The following PZP variants were observed in gnomAD, a reference collection of about 807,000 sequenced individuals.
The protein encoded by PZP is PZP alpha-2-macroglobulin like.
PZP carries 150 observed loss-of-function variants against 179.8 expected under a neutral mutation model. The ratio of observed to expected loss-of-function variants is 0.83; its 90% CI spans 0.73 to 0.96. The LOEUF (loss-of-function observed/expected upper bound fraction) is 0.96. Ranked by LOEUF, PZP falls within the 40% of genes least tolerant of loss-of-function variation. PZP has a pLI of 0.00. For missense variants in PZP, 1,689 were observed against 1,764.0 expected, an observed-to-expected ratio of 0.96 and a Z score of 0.76; for synonymous variants, 624 against 652.3, an observed-to-expected ratio of 0.96 and a Z score of 0.66.
rs1592473891 is a variant in PZP at position 9,165,903 on chromosome 12, A to G, written c.2258+149T>C. 43 of 864,960 alleles carry G rather than the reference A, an allele frequency of 5.0e-5. No individual in the cohort carries two copies. In the East Asian group the frequency reaches 1.1e-3, roughly 21 times the overall value. The allele number at this position is 864,960 out of a possible 1,614,324, so 53.6% of individuals were successfully genotyped here. ...GACAATTGTATTAATGAGCCTATGCAATTGCGCATTTTACTTAGGTCTATC... is the reference window on the plus strand; with the variant it reads ...GACAATTGTATTAATGAGCCTATGCGATTGCGCATTTTACTTAGGTCTATC... On this transcript the variant is annotated intron_variant, in intron 18 of 35. Transcript: ENST00000261336.
rs747344823 is a variant in PZP, at chr12:9,164,278, CAG to C, written c.2488-21_2488-20del. On this transcript the variant is annotated intron_variant, in intron 19 of 35. Transcript: ENST00000261336. ...CACTGACCTATCACCCCATGTGAGG[CAG>C]AGACAGAAATGATCAGAATATGGAA... 2.3e-5 allele frequency: 37 copies of C among 1,609,966 alleles called. No homozygotes were observed. Among genetic ancestry groups the C allele is most frequent in the Non-Finnish European group, 3.0e-5 (35 of 1,177,356 alleles).
In PZP at chr12:9,165,317, T is replaced by C; in HGVS notation, c.2309A>G (p.Glu770Gly). The C allele has an allele frequency of 1.2e-6, 2 of 1,614,118 alleles. No homozygotes were observed. Among genetic ancestry groups the C allele is most frequent in the Non-Finnish European group, 8.5e-7 (1 of 1,179,990 alleles). Residue 770 changes from glutamate (E) to glycine (G), a missense_variant, in exon 19 of 36, where the codon GAG becomes GGG. Physicochemically the swap from Glu to Gly is moderately conservative, Grantham distance 98. Coordinates refer to ENST00000261336, the MANE Select transcript of PZP (RefSeq NM_002864.3). ...VGVTVPDTIT[E>G]WKAGAFCLSE... is the part of the protein sequence containing the mutation. Reference sequence around the variant, plus strand: ...CAGGCAGAAGGCCCCTGCCTTCCACTCGGTGATGGTGTCAGGGACTGTTAC... The same window carrying C: ...CAGGCAGAAGGCCCCTGCCTTCCACCCGGTGATGGTGTCAGGGACTGTTAC...
chr12:9,162,429 G>A (rs991155433), intron 22 of PZP, 168 bp downstream of exon 22: 1 of 595,326 alleles, frequency 1.7e-6, no homozygotes, highest in Admixed American at 3.1e-5. Flanking sequence ...TGCTCTCTTG[G>A]GCTCAATGTC....
At chr12:9,140,400 A>G in the PZP span, among the ~76,000 whole-genome samples, 1 of 152,158 alleles carries the variant, frequency 6.6e-6, no homozygotes, top group South Asian at 2.1e-4. Flanking sequence ...ACTCGGCCCA[A>G]TTGGTTGAGA....
At chr12:9,204,985 TACTC>T (rs1409556783) in intron 1 of PZP, among the ~76,000 whole-genome samples, 2 of 151,854 alleles carry the variant, frequency 1.3e-5, no homozygotes, top group Non-Finnish European at 2.9e-5. Flanking sequence ...TAGTAGCAGT[TACTC>T]AGGAGGCTGA....
At chr12:9,179,448 C>G (rs1264729912) in intron 15 of PZP, among the ~76,000 whole-genome samples, 1 of 152,108 alleles carries the variant, frequency 6.6e-6, no homozygotes, top group African/African-American at 2.4e-5. Context: ...GTGTCACCCC[C>G]ATGAATTAAT....
chr12:9,187,174 G>A (rs1007184920), intron 13 of PZP, among the ~76,000 whole-genome samples: 6 of 151,076 alleles, frequency 4.0e-5, no homozygotes, highest in Non-Finnish European at 5.9e-5. Context: ...ACCCAACACA[G>A]GAGCACCCAG....
intron 16 of PZP, 42 bp from the exon 17 acceptor site, chr12:9,169,016 A>C: frequency 7.1e-7 from 1 of 1,399,880 alleles, no homozygotes; most frequent in Non-Finnish European, 1.0e-6. Context: ...AAGCTTGATT[A>C]GAATATATAA....
intron 10 of PZP, 28 bp downstream of exon 10, chr12:9,196,301 GC>G: frequency 6.7e-7 from 1 of 1,490,598 alleles, no homozygotes; most frequent in Non-Finnish European, 9.4e-7. Flanking sequence ...TGGATACTTT[GC>G]TTACCTGTGC....
rs1376763842 is a variant in PZP, at chr12:9,159,948, C to T, written c.3127G>A (p.Gly1043Ser). The T allele has an allele frequency of 1.2e-6, 2 of 1,612,112 alleles. No homozygotes were observed. The highest frequency in any genetic ancestry group is 3.3e-5 in the Admixed American group (2 of 60,002). Reference protein sequence around the residue: ...TFGERYGRNQGNTWLTAFVLK... With the variant: ...TFGERYGRNQSNTWLTAFVLK... ...GATTTTCTTTCTTACCAAGTGTTGC[C>T]CTGGTTCCTGCCATATCGTTCCCCA... The change falls in exon 25 of 36, where the codon GGC (glycine) becomes AGC (serine). Residue 1043 changes from glycine to serine, a missense_variant. Physicochemically the swap from Gly to Ser is moderately conservative, Grantham distance 56. Around this residue, in one of 3 missense-constraint regions of PZP, gnomAD observed 746 missense variants for 749.2 expected, o/e 1.00. Transcript: ENST00000261336.
At chr12:9,196,861 T>C in intron 8 of PZP, 151 bp downstream of exon 8, 2 of 772,422 alleles carry the variant, frequency 2.6e-6, no homozygotes, top group East Asian at 5.2e-5. Flanking sequence ...GTCGTCCAAA[T>C]GAGAATCTTG....
chr12:9,203,936 C>T lies in PZP; in HGVS notation c.99G>A (p.Leu33=). Residue 33 remains leucine, a synonymous_variant, in exon 2 of 36, where the codon CTG becomes CTA. Coordinates refer to ENST00000261336, the MANE Select transcript of PZP (RefSeq NM_002864.3). The part of the protein sequence containing the change: ...SNSTEPQYMV[L]VPSLLHTEAP... The stretch of plus-strand genomic sequence containing the variant: ...CCTCAGTGTGGAGCAGGGAGGGGAC[C>T]AGCACCATATACTGCCTGGGAAAGG... 2 of 1,613,384 alleles carry T rather than the reference C, an allele frequency of 1.2e-6. No individual in the cohort carries two copies. The highest frequency in any genetic ancestry group is 1.7e-6 in the Non-Finnish European group (2 of 1,179,444).
At chr12:9,194,913 A>T (rs1167657499) in intron 10 of PZP, among the ~76,000 whole-genome samples, 1 of 152,200 alleles carries the variant, frequency 6.6e-6, no homozygotes, top group East Asian at 1.9e-4. Flanking sequence ...CTACTAGCTA[A>T]AAAAGTTACT....
intron 32 of PZP, 122 bp downstream of exon 32, chr12:9,152,098 T>G: frequency 1.3e-6 from 1 of 777,900 alleles, no homozygotes; most frequent in Non-Finnish European, 2.2e-6. Context: ...CTTCCTGGGT[T>G]TGGGAAAAAT....
chr12:9,200,574 T>C, intron 6 of PZP, 126 bp from the exon 7 acceptor site: 2 of 778,994 alleles, frequency 2.6e-6, no homozygotes, highest in Non-Finnish European at 2.0e-6. Context: ...TTCCAATGTA[T>C]CAACTTTAAG....
chr12:9,151,100 T>G (rs1190932487), intron 33 of PZP, among the ~76,000 whole-genome samples: 2 of 152,342 alleles, frequency 1.3e-5, no homozygotes, highest in East Asian at 3.9e-4. Context: ...ACATAAAACA[T>G]TTTCTTTGTT....
At chr12:9,137,122 A>T in the PZP span, among the ~76,000 whole-genome samples, 57 of 152,250 alleles carry the variant, frequency 3.7e-4, 2 homozygotes, top group African/African-American at 1.3e-3. Context: ...ATCATAAAGC[A>T]TGTCTTTTAT....
In PZP at chr12:9,163,727, C is replaced by T. The variant is rs1175025559; in HGVS notation, c.2677G>A (p.Val893Ile). The T allele has an allele frequency of 1.2e-6, 2 of 1,613,934 alleles. No individual in the cohort carries two copies. The highest frequency in any genetic ancestry group is 1.7e-5 in the Admixed American group (1 of 60,018). Reference protein sequence around the residue: ...MQSLELCGNEVVEVPEIKRKD... With the variant: ...MQSLELCGNEIVEVPEIKRKD... ...CTTTTAATCTCAGGGACCTCAACAA[C>T]CTCATTTCCACAGAGTTCTAAGGAC... The change falls in exon 21 of 36, where the codon GTT (valine) becomes ATT (isoleucine). Residue 893 changes from valine to isoleucine, a missense_variant. Around this residue, in one of 3 missense-constraint regions of PZP, gnomAD observed 746 missense variants for 749.2 expected, o/e 1.00. Transcript: ENST00000261336.
Position 9,152,286 on chromosome 12 carries a change from G to A in PZP, c.4146C>T (p.Ser1382=). 6.2e-7 allele frequency: 1 copy of A among 1,613,380 alleles called. No individual in the cohort carries two copies. Among genetic ancestry groups the A allele is most frequent in the Non-Finnish European group, 8.5e-7 (1 of 1,179,416 alleles). Residue 1382 remains serine (S), a synonymous_variant, in exon 32 of 36, where the codon TCC becomes TCT. Coordinates refer to ENST00000261336, the MANE Select transcript of PZP (RefSeq NM_002864.3). The part of the protein sequence containing the change: ...TISYTGNRPA[S]NMVIVDVKMV... ...TCTTTACATCAACAATCACCATATTGGAAGCAGGACGGTTTCCTGTGTAAC... is the reference window on the plus strand; with the variant it reads ...TCTTTACATCAACAATCACCATATTAGAAGCAGGACGGTTTCCTGTGTAAC...
Sources: gnomAD v4.1 joint callset for allele counts (sites outside exome capture counted in the v4.1 genomes callset) on GRCh38, gnomAD v4.1.1 for gene constraint, gnomAD v4.1.1 regional missense constraint, MANE v1.5 for transcripts, NCBI Gene and HGNC (gene_info 2026-07-23, HGNC 2026-07-21) for gene names.